The following ERC2 variants were observed in gnomAD, a reference collection of about 807,000 sequenced individuals.
ERC2 encodes the protein ERC protein 2.
ERC2 carries 42 observed loss-of-function variants against 114.8 expected under a neutral mutation model. The ratio of observed to expected loss-of-function variants is 0.37; its 90% CI spans 0.29 to 0.47. The LOEUF is 0.47. Among genes scored for constraint, ERC2 ranks in the 20% least tolerant of loss-of-function variants. The pLI is 0.99. For missense variants in ERC2, 939 were observed against 1,150.7 expected, an observed-to-expected ratio of 0.82 and a Z score of 2.66; for synonymous variants, 454 against 425.5, an observed-to-expected ratio of 1.07 and a Z score of -0.82.
At chr3:55,573,303 G>C (rs185404781) in intron 17 of ERC2, among the ~76,000 whole-genome samples, 1 of 152,168 alleles carries the variant, frequency 6.6e-6, no homozygotes, top group African/African-American at 2.4e-5. Context: ...ATTGTTTTAC[G>C]GGGTTATTTG....
chr3:56,321,732 G>A (rs78674498), intron 2 of ERC2, among the ~76,000 whole-genome samples: 3,592 of 152,270 alleles, frequency 0.024, 44 homozygotes, highest in South Asian at 0.071. Flanking sequence ...CTCAAGTTAA[G>A]TTTTTCCTGT....
chr3:56,422,480 C>T (rs1479094718), intron 2 of ERC2, among the ~76,000 whole-genome samples: 9 of 152,262 alleles, frequency 5.9e-5, no homozygotes, highest in Admixed American at 1.3e-4. Flanking sequence ...CTCCTCTGCT[C>T]ATTTACTTGA....
intron 17 of ERC2, among the ~76,000 whole-genome samples, chr3:55,576,675 C>A (rs1320829837): frequency 1.3e-5 from 2 of 152,208 alleles, no homozygotes; most frequent in African/African-American, 4.8e-5. Flanking sequence ...CGGAGGAAAC[C>A]CCCACCTTGC....
At chr3:56,461,831 A>G (rs1003576361) in intron 1 of ERC2, among the ~76,000 whole-genome samples, 2 of 152,212 alleles carry the variant, frequency 1.3e-5, no homozygotes, top group African/African-American at 4.8e-5. Context: ...ATAAATTTTT[A>G]TTTAGGAAAC....
intron 4 of ERC2, among the ~76,000 whole-genome samples, chr3:56,163,537 G>T (rs992976647): frequency 2.0e-5 from 3 of 152,038 alleles, no homozygotes; most frequent in African/African-American, 7.2e-5. Context: ...TCATATTTTT[G>T]ACTCTGAGTG....
chr3:55,566,968 T>C (rs1575602893), intron 17 of ERC2, among the ~76,000 whole-genome samples: 1 of 152,338 alleles, frequency 6.6e-6, no homozygotes, highest in East Asian at 1.9e-4. Context: ...CCCAAAGTGT[T>C]GGGATTACAG....
chr3:55,846,524 T>C (rs527424371), intron 14 of ERC2, among the ~76,000 whole-genome samples: 2 of 152,338 alleles, frequency 1.3e-5, no homozygotes, highest in South Asian at 4.1e-4. Context: ...GTAATGAGAT[T>C]GCTGGGTCAA....
At chr3:56,311,284 T>TAC (rs2056558442) in intron 2 of ERC2, among the ~76,000 whole-genome samples, 1 of 88,238 alleles carries the variant, frequency 1.1e-5, no homozygotes, top group Non-Finnish European at 2.8e-5. Context: ...TATATATATA[T>TAC]ATATATACAC....
intron 17 of ERC2, among the ~76,000 whole-genome samples, chr3:55,585,071 G>T (rs555798114): frequency 1.3e-5 from 2 of 152,338 alleles, no homozygotes; most frequent in South Asian, 4.2e-4. Context: ...TTTCGGGCAG[G>T]CTGCTGCTTC....
chr3:55,706,888 G>C (rs1392607077), intron 15 of ERC2, among the ~76,000 whole-genome samples: 1 of 152,156 alleles, frequency 6.6e-6, no homozygotes, highest in Non-Finnish European at 1.5e-5. Context: ...CTTCCTTAGG[G>C]AAGTAACACC....
At chr3:55,674,716 AT>A (rs1465172734) in intron 17 of ERC2, among the ~76,000 whole-genome samples, 3 of 152,158 alleles carry the variant, frequency 2.0e-5, no homozygotes, top group African/African-American at 7.2e-5. Flanking sequence ...TCTCGAAGAG[AT>A]TATAACAATC....
chr3:55,999,698 G>A (rs2071881574), intron 10 of ERC2, among the ~76,000 whole-genome samples: 1 of 151,560 alleles, frequency 6.6e-6, no homozygotes, highest in Non-Finnish European at 1.5e-5. Context: ...GAAATATCAT[G>A]GGAAAATATT....
At chr3:55,709,928 A>C (rs926878255) in intron 15 of ERC2, among the ~76,000 whole-genome samples, 11 of 152,180 alleles carry the variant, frequency 7.2e-5, no homozygotes, top group African/African-American at 2.7e-4. Flanking sequence ...AGCTGGTCTC[A>C]CGCTTGGGTG....
At chr3:56,443,492 GA>G (rs1205175840) in intron 1 of ERC2, among the ~76,000 whole-genome samples, 1 of 152,146 alleles carries the variant, frequency 6.6e-6, no homozygotes, top group Non-Finnish European at 1.5e-5. Flanking sequence ...AAGAAGGAAA[GA>G]ATCAGTTGAC....
At chr3:56,360,061 CTTT>C (rs5849149) in intron 2 of ERC2, among the ~76,000 whole-genome samples, 4 of 99,172 alleles carry the variant, frequency 4.0e-5, no homozygotes, top group East Asian at 6.5e-4. Flanking sequence ...TAACAAAAAT[CTTT>C]TTTTTTTTTT....
intron 17 of ERC2, among the ~76,000 whole-genome samples, chr3:55,619,210 C>T (rs2059237658): frequency 6.6e-6 from 1 of 152,176 alleles, no homozygotes; most frequent in Non-Finnish European, 1.5e-5. Flanking sequence ...AAAACCTTGT[C>T]CATGTTTTTC....
chr3:55,637,886 G>A (rs1226540308), intron 17 of ERC2, among the ~76,000 whole-genome samples: 3 of 151,748 alleles, frequency 2.0e-5, no homozygotes, highest in African/African-American at 7.3e-5. Context: ...TGACCCCTCT[G>A]ACTCAAGTTA....
intron 4 of ERC2, among the ~76,000 whole-genome samples, chr3:56,161,642 T>TTG (rs994917687): frequency 4.7e-4 from 71 of 152,012 alleles, no homozygotes; most frequent in African/African-American, 1.6e-3. Context: ...CCTAGGTATT[T>TTG]TGTGTGTGTG....
chr3:56,357,662 C>T (rs1311863932), intron 2 of ERC2, among the ~76,000 whole-genome samples: 1 of 151,420 alleles, frequency 6.6e-6, no homozygotes, highest in African/African-American at 2.4e-5. Context: ...CCGCTAATGG[C>T]TTTAAACAAG....
Sources: gnomAD v4.1 joint callset for allele counts (sites outside exome capture counted in the v4.1 genomes callset) on GRCh38, gnomAD v4.1.1 for gene constraint, MANE v1.5 for transcripts, NCBI Gene and HGNC (gene_info 2026-07-23, HGNC 2026-07-21) for gene names.